The following CDH13 variants were observed in gnomAD, a reference collection of about 807,000 sequenced individuals.
CDH13 encodes the protein cadherin-13.
CDH13 carries 24 observed loss-of-function variants against 63.8 expected under a neutral mutation model. The ratio of observed to expected loss-of-function variants is 0.38; its 90% confidence interval spans 0.27 to 0.53. CDH13 has a LOEUF of 0.53. Among genes scored for constraint, CDH13 ranks in the 20% least tolerant of loss-of-function variants. CDH13 has a pLI of 0.85. For missense variants in CDH13, 1,049 were observed against 903.1 expected (o/e 1.16, Z -2.07); for synonymous variants, 503 against 355.3 (o/e 1.42, Z -4.67).
intron 1 of CDH13, among the ~76,000 whole-genome samples, chr16:82,759,995 A>G (rs902216869): frequency 6.6e-6 from 1 of 152,186 alleles, no homozygotes; most frequent in Non-Finnish European, 1.5e-5. Flanking sequence ...TTTAAAAATT[A>G]TGATTATAAT....
chr16:83,775,858 A>G (rs1915074934), intron 11 of CDH13, among the ~76,000 whole-genome samples: 1 of 152,222 alleles, frequency 6.6e-6, no homozygotes, highest in African/African-American at 2.4e-5. Flanking sequence ...GCTGATGGAA[A>G]GAGGAACAGA....
chr16:83,526,170 C>A (rs535437365), intron 7 of CDH13, among the ~76,000 whole-genome samples: 1 of 152,196 alleles, frequency 6.6e-6, no homozygotes, highest in African/African-American at 2.4e-5. Flanking sequence ...TTCGAACCAG[C>A]TTCAAAGGTC....
chr16:82,676,043 TG>T (rs1300521310), intron 1 of CDH13, among the ~76,000 whole-genome samples: 1 of 152,236 alleles, frequency 6.6e-6, no homozygotes, highest in Non-Finnish European at 1.5e-5. Context: ...GAGAAAAGAT[TG>T]ATTAAGCCCC....
At chr16:83,302,526 C>T (rs528961241) in intron 5 of CDH13, among the ~76,000 whole-genome samples, 3 of 152,290 alleles carry the variant, frequency 2.0e-5, no homozygotes, top group South Asian at 4.1e-4. Flanking sequence ...AAAGTCACAA[C>T]ATAAATGTCC....
At chr16:83,510,049 A>T (rs1327949098) in intron 7 of CDH13, among the ~76,000 whole-genome samples, 27 of 152,220 alleles carry the variant, frequency 1.8e-4, no homozygotes. Context: ...TGTGTTTTAC[A>T]AGTGGAATGT....
intron 4 of CDH13, chr16:83,180,846 A>C (rs2038323392): frequency 1.3e-6 from 2 of 1,484,134 alleles, no homozygotes; most frequent in East Asian, 2.5e-5. Context: ...ATTTACAACA[A>C]AATGTGTTTT....
intron 6 of CDH13, among the ~76,000 whole-genome samples, chr16:83,358,570 A>G (rs2091100184): frequency 6.6e-6 from 1 of 152,186 alleles, no homozygotes; most frequent in African/African-American, 2.4e-5. Context: ...AGCCAAATCT[A>G]ATAACAGCTG....
chr16:83,224,859 T>C (rs953304327), intron 5 of CDH13, among the ~76,000 whole-genome samples: 1 of 152,200 alleles, frequency 6.6e-6, no homozygotes, highest in African/African-American at 2.4e-5. Flanking sequence ...TGTTCCGGAA[T>C]TGGGAGCCAG....
chr16:83,033,689 C>G (rs1916589709), intron 3 of CDH13, among the ~76,000 whole-genome samples: 1 of 152,202 alleles, frequency 6.6e-6, no homozygotes, highest in Non-Finnish European at 1.5e-5. Context: ...GTGTCACAAA[C>G]TGCCATTCAG....
intron 3 of CDH13, among the ~76,000 whole-genome samples, chr16:83,052,801 A>AAAAGAAAGAAAG (rs1555571696): frequency 6.4e-4 from 78 of 122,594 alleles, no homozygotes; most frequent in African/African-American, 2.4e-3. Context: ...AAAAAAAAAA[A>AAAAGAAAGAAAG]AAAGAAAGAA....
At chr16:82,981,812 C>G (rs998961909) in intron 2 of CDH13, among the ~76,000 whole-genome samples, 1 of 152,180 alleles carries the variant, frequency 6.6e-6, no homozygotes, top group East Asian at 1.9e-4. Context: ...CTCCCGTAAG[C>G]CCTTCAACAG....
At chr16:83,653,153 G>A (rs1427987991) in intron 8 of CDH13, among the ~76,000 whole-genome samples, 1 of 152,154 alleles carries the variant, frequency 6.6e-6, no homozygotes, top group East Asian at 1.9e-4. Flanking sequence ...GGGAGTGGGT[G>A]AAGAATGGGG....
At chr16:83,017,775 T>A (rs993812478) in intron 2 of CDH13, among the ~76,000 whole-genome samples, 1 of 152,202 alleles carries the variant, frequency 6.6e-6, no homozygotes, top group African/African-American at 2.4e-5. Context: ...CCCCAAGGTG[T>A]GTTCATATGA....
At position 83,000,220 on chromosome 16, in the gene CDH13, C is replaced by CTTTTTTTTTTTTTTTTTTT. The variant is rs1567731430; in HGVS notation, c.158-31788_158-31787insTTTTTTTTTTTTTTTTTTT. On this transcript the variant is annotated intron_variant, in intron 2 of 13. Transcript: ENST00000567109. ...TCCCTAGGAATATCCACAGGTTTAG[C>CTTTTTTTTTTTTTTTTTTT]TTATTTTTTTTTTTTTTTTTTTTTT... is the stretch of plus-strand genomic sequence containing the variant. Among the ~76,000 whole-genome samples, 8 of 33,948 alleles carry CTTTTTTTTTTTTTTTTTTT rather than the reference C, an allele frequency of 2.4e-4. 2 individuals carry two copies. Among genetic ancestry groups the CTTTTTTTTTTTTTTTTTTT allele is most frequent in the African/African-American group, 7.3e-4 (7 of 9,652 alleles). The allele number at this position is 33,948 out of a possible 152,430, so 22.3% of individuals were successfully genotyped here.
At chr16:83,660,548 G>A (rs889312005) in intron 8 of CDH13, among the ~76,000 whole-genome samples, 1 of 152,162 alleles carries the variant, frequency 6.6e-6, no homozygotes, top group Non-Finnish European at 1.5e-5. Context: ...CTTCTGTGTG[G>A]CCCGGTTACT....
At chr16:82,657,778 G>A (rs138475364) in intron 1 of CDH13, among the ~76,000 whole-genome samples, 34 of 152,204 alleles carry the variant, frequency 2.2e-4, no homozygotes, top group Admixed American at 1.2e-3. Flanking sequence ...CATTAACCTC[G>A]TATCTTGTAA....
chr16:83,074,477 T>A (rs62035078), intron 3 of CDH13, among the ~76,000 whole-genome samples: 2 of 152,232 alleles, frequency 1.3e-5, no homozygotes, highest in Non-Finnish European at 2.9e-5. Context: ...TGTATCCCTT[T>A]GATAGACTGA....
chr16:83,361,776 A>G (rs1192666910), intron 6 of CDH13, among the ~76,000 whole-genome samples: 1 of 152,020 alleles, frequency 6.6e-6, no homozygotes, highest in Non-Finnish European at 1.5e-5. Flanking sequence ...ATTCTGTCTC[A>G]TTAGTCTATG....
At chr16:82,887,389 G>C (rs1567631558) in intron 2 of CDH13, among the ~76,000 whole-genome samples, 1 of 152,214 alleles carries the variant, frequency 6.6e-6, no homozygotes, top group Admixed American at 6.5e-5. Flanking sequence ...TAATGAGAAA[G>C]AGTCTTCAAA....
Sources: allele counts gnomAD v4.1 joint callset (sites outside exome capture counted in the v4.1 genomes callset), GRCh38; gene constraint gnomAD v4.1.1; transcripts MANE v1.5; gene names NCBI Gene and HGNC (gene_info 2026-07-23, HGNC 2026-07-21).